Variants in KDM4C observed in about 807,000 individuals in gnomAD.
KDM4C encodes the protein lysine demethylase 4C.
A neutral mutation model predicts 129.3 loss-of-function variants in KDM4C; 81 were observed. The ratio of observed to expected loss-of-function variants is 0.63; its 90% CI spans 0.52 to 0.75. KDM4C has a LOEUF of 0.75. Ranked by LOEUF, KDM4C falls within the 30% of genes least tolerant of loss-of-function variation. The pLI is 0.00. For missense variants in KDM4C, 1,457 were observed against 1,304.0 expected (o/e 1.12, Z -1.81); for synonymous variants, 573 against 456.1 (o/e 1.26, Z -3.26).
At chr9:6,934,604 C>T (rs1824394767) in intron 8 of KDM4C, among the ~76,000 whole-genome samples, 2 of 151,742 alleles carry the variant, frequency 1.3e-5, no homozygotes, top group African/African-American at 2.4e-5. Context: ...GCTAGGACTA[C>T]AGGCACGCGC....
intron 15 of KDM4C, among the ~76,000 whole-genome samples, chr9:7,025,636 G>A (rs549243671): frequency 1.3e-5 from 2 of 152,128 alleles, no homozygotes; most frequent in African/African-American, 4.8e-5. Flanking sequence ...GAGGCAAAAA[G>A]AAAACCAATA....
At chr9:6,965,239 A>T (rs2131636647) in intron 8 of KDM4C, among the ~76,000 whole-genome samples, 1 of 151,770 alleles carries the variant, frequency 6.6e-6, no homozygotes, top group Non-Finnish European at 1.5e-5. Context: ...GCAAATTGCA[A>T]AGAAAAAAAA....
intron 5 of KDM4C, among the ~76,000 whole-genome samples, chr9:6,851,604 T>C (rs1232684833): frequency 6.6e-6 from 1 of 152,190 alleles, no homozygotes; most frequent in African/African-American, 2.4e-5. Context: ...GAAAAGTTAG[T>C]AGCAAAACTT....
At position 6,874,559 on chromosome 9, in the gene KDM4C, C is replaced by T. The variant is rs755755913; in HGVS notation, c.630-5453C>T. On this transcript the variant is annotated intron_variant, in intron 5 of 21. Transcript: ENST00000381309. ...TTATTACTCATTTTTCATTTTATAA[C>T]GGAATTAGATGACTTTTTTTGTGGC... Among the ~76,000 whole-genome samples, 11 of 152,090 alleles carry T rather than the reference C, an allele frequency of 7.2e-5. No homozygotes were observed. In the South Asian group the frequency reaches 1.5e-3, roughly 20 times the overall value.
At chr9:6,937,322 C>T (rs1207728954) in intron 8 of KDM4C, among the ~76,000 whole-genome samples, 1 of 151,940 alleles carries the variant, frequency 6.6e-6, no homozygotes, top group African/African-American at 2.4e-5. Flanking sequence ...TAAAAATAGC[C>T]AGTGGTGAAA....
intron 8 of KDM4C, among the ~76,000 whole-genome samples, chr9:6,930,552 CAG>C: frequency 7.2e-6 from 1 of 139,020 alleles, no homozygotes; most frequent in Non-Finnish European, 1.6e-5. Context: ...TATATAACAA[CAG>C]TATGTTATAT....
At chr9:7,148,365 C>G (rs946246213) in intron 19 of KDM4C, among the ~76,000 whole-genome samples, 2 of 152,222 alleles carry the variant, frequency 1.3e-5, no homozygotes, top group African/African-American at 4.8e-5. Context: ...TGTTACAGCT[C>G]TTTCAGTACC....
At chr9:6,846,693 G>A (rs1044237049) in intron 4 of KDM4C, among the ~76,000 whole-genome samples, 1 of 152,072 alleles carries the variant, frequency 6.6e-6, no homozygotes, top group African/African-American at 2.4e-5. Context: ...GCCCATTAAC[G>A]GGGAGAAATT....
intron 6 of KDM4C, among the ~76,000 whole-genome samples, chr9:6,885,053 G>C (rs1845048578): frequency 6.6e-6 from 1 of 152,116 alleles, no homozygotes; most frequent in African/African-American, 2.4e-5. Flanking sequence ...TTTAAGAATA[G>C]AGCTCATTGA....
At chr9:6,725,989 C>T (rs370363949) in intron 1 of KDM4C, among the ~76,000 whole-genome samples, 53 of 151,140 alleles carry the variant, frequency 3.5e-4, no homozygotes, top group African/African-American at 1.1e-3. Flanking sequence ...TGCAGTGGCG[C>T]GATCTCGGCT....
chr9:6,834,317 T>G, intron 4 of KDM4C: 1 of 290,218 alleles, frequency 3.4e-6, no homozygotes, highest in East Asian at 8.7e-5. Context: ...GATTACAGCA[T>G]GAGCCACCCC....
rs372104852 is a variant in KDM4C, at chr9:6,916,376, G to T, written c.921+23144G>T. 3.3e-5 allele frequency among the ~76,000 whole-genome samples: 5 copies of T among 151,822 alleles called. No individual in the cohort carries two copies. The South Asian group carries it at 6.2e-4, about 19-fold the overall frequency. On this transcript the variant is annotated intron_variant, in intron 8 of 21. Coordinates refer to ENST00000381309, the MANE Select transcript of KDM4C (RefSeq NM_015061.6). ...AGAGTTTTTTTTTTTTTGAAACAGGGTCTTGCTTTATCACAAGGGCTCAAA... is the reference window on the plus strand; with the variant it reads ...AGAGTTTTTTTTTTTTTGAAACAGGTTCTTGCTTTATCACAAGGGCTCAAA...
At chr9:6,784,648 C>T (rs1157690954) in intron 1 of KDM4C, among the ~76,000 whole-genome samples, 1 of 152,240 alleles carries the variant, frequency 6.6e-6, no homozygotes, top group Admixed American at 6.5e-5. Context: ...CTACCCCTGG[C>T]CTCAGCAGGC....
chr9:7,044,958 A>G (rs1380524988), intron 15 of KDM4C, among the ~76,000 whole-genome samples: 1 of 152,008 alleles, frequency 6.6e-6, no homozygotes, highest in African/African-American at 2.4e-5. Flanking sequence ...TTCAGGAAGG[A>G]TCAACAGTGT....
At chr9:7,103,971 C>A in intron 18 of KDM4C, 101 bp downstream of exon 18, 1 of 1,052,300 alleles carries the variant, frequency 9.5e-7, no homozygotes, top group Non-Finnish European at 1.4e-6. Context: ...TGTAATATGA[C>A]TCATTGTTGA....
chr9:6,994,016 C>A (rs555841669), intron 12 of KDM4C, among the ~76,000 whole-genome samples: 3 of 152,162 alleles, frequency 2.0e-5, no homozygotes, highest in African/African-American at 7.2e-5. Context: ...ACAGTTTTTC[C>A]ATGGATGGGG....
chr9:6,983,700 T>C (rs1817181828), intron 9 of KDM4C, among the ~76,000 whole-genome samples: 1 of 152,172 alleles, frequency 6.6e-6, no homozygotes, highest in African/African-American at 2.4e-5. Flanking sequence ...CTGACAATTA[T>C]ACAAAACTCA....
rs74638217 is a variant in KDM4C at position 6,858,779 on chromosome 9, C to CA, written c.629+9091dup. On this transcript the variant is annotated intron_variant, in intron 5 of 21. Coordinates refer to ENST00000381309, the MANE Select transcript of KDM4C (RefSeq NM_015061.6). The stretch of plus-strand genomic sequence containing the variant: ...AGAGTGATTTTGTCTCCCCCCCCGG[C>CA]AAAAAAAAAAAATTACTATGTTAGT... Among the ~76,000 whole-genome samples, 99 of 134,514 alleles carry CA rather than the reference C, an allele frequency of 7.4e-4. No homozygotes were observed. The South Asian group carries it at 9.6e-3, about 13-fold the overall frequency. 88.2% of individuals were successfully genotyped at this position (134,514 alleles called of 152,430 possible). A position where few individuals can be genotyped will look rare whatever the true frequency, so the allele number is the denominator to read the frequency against.
intron 18 of KDM4C, among the ~76,000 whole-genome samples, chr9:7,122,676 T>G (rs1374799593): frequency 2.6e-5 from 4 of 152,220 alleles, no homozygotes; most frequent in African/African-American, 9.6e-5. Flanking sequence ...TTATTTATGC[T>G]TTTATGGAAT....
Sources: allele counts gnomAD v4.1 joint callset (sites outside exome capture counted in the v4.1 genomes callset), GRCh38; gene constraint gnomAD v4.1.1; transcripts MANE v1.5; gene names NCBI Gene and HGNC (gene_info 2026-07-23, HGNC 2026-07-21).